PDE4D: variants seen among roughly 807,000 people sequenced by gnomAD.
PDE4D encodes 3',5'-cyclic-AMP phosphodiesterase 4D.
Under a neutral mutation model 87.4 loss-of-function variants are expected in PDE4D, and 24 were observed. The observed-to-expected ratio is 0.27, with a 90% CI of 0.20 to 0.39. PDE4D has a LOEUF of 0.39. Among genes scored for constraint, PDE4D ranks in the 10% least tolerant of loss-of-function variants. The pLI, the probability that PDE4D is intolerant of heterozygous loss-of-function variation, is 1.00. For missense variants in PDE4D, 714 were observed against 1,041.0 expected, an observed-to-expected ratio of 0.69 and a Z score of 4.32; for synonymous variants, 384 against 383.2, an observed-to-expected ratio of 1.00 and a Z score of -0.02.
upstream of PDE4D, among the ~76,000 whole-genome samples, chr5:59,898,726 G>A (rs374817827): frequency 2.6e-5 from 4 of 152,170 alleles, no homozygotes; most frequent in East Asian, 7.7e-4. Context: ...AACCTGCAAG[G>A]ACAGCTGAGC....
chr5:60,456,168 T>A (rs998828961), intron 1 of PDE4D, among the ~76,000 whole-genome samples: 12 of 152,120 alleles, frequency 7.9e-5, no homozygotes, highest in Non-Finnish European at 1.2e-4. Context: ...GCCCTGGAAG[T>A]CATCTTGGGA....
chr5:59,474,099 G>C (rs1404540195), intron 1 of PDE4D, among the ~76,000 whole-genome samples: 1 of 151,976 alleles, frequency 6.6e-6, no homozygotes, highest in Non-Finnish European at 1.5e-5. Flanking sequence ...CTAAAATCAC[G>C]GTGTGTGTGT....
intron 1 of PDE4D, among the ~76,000 whole-genome samples, chr5:59,791,493 C>T (rs1291240561): frequency 6.6e-6 from 1 of 152,154 alleles, no homozygotes; most frequent in African/African-American, 2.4e-5. Flanking sequence ...CTCATAAAAG[C>T]AGGGTAAATG....
intron 1 of PDE4D, among the ~76,000 whole-genome samples, chr5:60,449,030 T>C (rs1021216753): frequency 3.3e-5 from 5 of 151,038 alleles, no homozygotes; most frequent in African/African-American, 4.9e-5. Context: ...TATTGTTTGT[T>C]CTCCCCATAT....
At chr5:59,245,249 C>G (rs1040712253) in intron 1 of PDE4D, among the ~76,000 whole-genome samples, 1 of 152,082 alleles carries the variant, frequency 6.6e-6, no homozygotes, top group African/African-American at 2.4e-5. Flanking sequence ...TTGGAAGTGA[C>G]AGGCAATATC....
chr5:59,779,159 C>T (rs1232887329), intron 1 of PDE4D, among the ~76,000 whole-genome samples: 6 of 150,076 alleles, frequency 4.0e-5, no homozygotes, highest in Non-Finnish European at 8.9e-5. Context: ...AAGACTCTGT[C>T]TCGGAAAAAA....
rs142127987 is a variant in PDE4D at position 59,003,888 on chromosome 5, C to G, written c.922-10423G>C. Among the ~76,000 whole-genome samples the G allele has an allele frequency of 1.4e-3, 212 of 152,072 alleles. 1 individual carries two copies. The highest frequency in any genetic ancestry group is 4.9e-3 in the African/African-American group (202 of 41,480). ...ATACTTGGTGAGGCTCCCTGAAGAACAGGTGGAAGTGTCATACCACTTGTC... is the reference window on the plus strand; with the variant it reads ...ATACTTGGTGAGGCTCCCTGAAGAAGAGGTGGAAGTGTCATACCACTTGTC... On this transcript the variant is annotated intron_variant, in intron 6 of 14. Transcript: ENST00000340635.
chr5:60,268,335 C>T (rs1163921383), intron 1 of PDE4D, among the ~76,000 whole-genome samples: 1 of 152,188 alleles, frequency 6.6e-6, no homozygotes, highest in Non-Finnish European at 1.5e-5. Flanking sequence ...CTAGGACCCA[C>T]CACTGACTTA....
intron 1 of PDE4D, among the ~76,000 whole-genome samples, chr5:60,207,187 G>C (rs1203307594): frequency 1.3e-5 from 2 of 152,174 alleles, no homozygotes; most frequent in African/African-American, 4.8e-5. Flanking sequence ...CGCAGGAGGG[G>C]TGGCTAATAA....
intron 1 of PDE4D, among the ~76,000 whole-genome samples, chr5:59,888,202 T>A (rs1398674286): frequency 6.6e-6 from 1 of 152,230 alleles, no homozygotes; most frequent in Non-Finnish European, 1.5e-5. Context: ...TGAACCCAGA[T>A]GATCCAATTA....
At chr5:60,025,310 G>A (rs1385447410) in intron 2 of PDE4D, among the ~76,000 whole-genome samples, 1 of 152,086 alleles carries the variant, frequency 6.6e-6, no homozygotes, top group Non-Finnish European at 1.5e-5. Context: ...CAAACCTTTG[G>A]AAGCAATAGT....
At chr5:60,106,355 A>G (rs1249572416) in intron 2 of PDE4D, among the ~76,000 whole-genome samples, 1 of 151,654 alleles carries the variant, frequency 6.6e-6, no homozygotes, top group Non-Finnish European at 1.5e-5. Context: ...CAGATTCATA[A>G]AGCAAGTCCT....
intron 1 of PDE4D, among the ~76,000 whole-genome samples, chr5:59,566,960 A>G (rs1821040413): frequency 6.6e-6 from 1 of 151,948 alleles, no homozygotes; most frequent in African/African-American, 2.4e-5. Context: ...TGGGTAGTAT[A>G]TTTTTGTTAG....
chr5:59,356,195 G>C (rs1349333962), intron 1 of PDE4D, among the ~76,000 whole-genome samples: 1 of 152,084 alleles, frequency 6.6e-6, no homozygotes, highest in Non-Finnish European at 1.5e-5. Flanking sequence ...TGATTTTGTT[G>C]TAAAACAGTC....
chr5:59,430,263 A>C (rs1795912907), intron 1 of PDE4D: 1 of 1,230,690 alleles, frequency 8.1e-7, no homozygotes, highest in Non-Finnish European at 1.0e-6. Flanking sequence ...ATTTTCACTG[A>C]CAAACAACTA....
At chr5:59,284,612 T>A (rs909396399) in intron 1 of PDE4D, among the ~76,000 whole-genome samples, 2 of 137,982 alleles carry the variant, frequency 1.4e-5, no homozygotes, top group Admixed American at 1.5e-4. Flanking sequence ...ACACTGTTGG[T>A]GGGACTGTAA....
At chr5:59,703,366 T>C (rs1752891657) in intron 1 of PDE4D, among the ~76,000 whole-genome samples, 1 of 152,194 alleles carries the variant, frequency 6.6e-6, no homozygotes, top group African/African-American at 2.4e-5. Context: ...ATTCATATCC[T>C]TGGTGACTTT....
chr5:59,592,750 T>C (rs191722607), intron 1 of PDE4D, among the ~76,000 whole-genome samples: 31 of 152,206 alleles, frequency 2.0e-4, no homozygotes, highest in Middle Eastern at 3.4e-3. Context: ...TTAATATTTA[T>C]ACTTAAGAAT....
intron 2 of PDE4D, among the ~76,000 whole-genome samples, chr5:60,087,279 A>C (rs1049355139): frequency 6.6e-6 from 1 of 152,130 alleles, no homozygotes; most frequent in Non-Finnish European, 1.5e-5. Flanking sequence ...CACCAAAAAA[A>C]CCCCCACAAT....
Sources: allele counts gnomAD v4.1 joint callset (sites outside exome capture counted in the v4.1 genomes callset), GRCh38; gene constraint gnomAD v4.1.1; transcripts MANE v1.5; gene names NCBI Gene and HGNC (gene_info 2026-07-23, HGNC 2026-07-21).